The following EFCAB7 variants were observed in gnomAD, a reference collection of about 807,000 sequenced individuals.
The protein encoded by EFCAB7 is EF-hand calcium-binding domain-containing protein 7.
EFCAB7 carries 66 observed loss-of-function variants against 77.1 expected under a neutral mutation model. The ratio of observed to expected loss-of-function variants is 0.86; its 90% CI spans 0.70 to 1.05. EFCAB7 has a LOEUF of 1.05. Among genes scored for constraint, EFCAB7 ranks in the 50% least tolerant of loss-of-function variants. The pLI, the probability that EFCAB7 is intolerant of heterozygous loss-of-function variation, is 0.00. For synonymous variants in EFCAB7, 225 were observed against 243.3 expected, an observed-to-expected ratio of 0.92 and a Z score of 0.70; for missense variants, 638 against 730.5, an observed-to-expected ratio of 0.87 and a Z score of 1.46.
intron 6 of EFCAB7, among the ~76,000 whole-genome samples, chr1:63,544,749 A>C (rs1412482851): frequency 6.6e-6 from 1 of 151,768 alleles, no homozygotes; most frequent in African/African-American, 2.4e-5. Context: ...CTAGTTATCT[A>C]CACTTGAAGC....
chr1:63,546,200 T>A, intron 7 of EFCAB7, 143 bp downstream of exon 7: 1 of 866,032 alleles, frequency 1.2e-6, no homozygotes, highest in South Asian at 1.9e-5. Flanking sequence ...AAGAAAGTGT[T>A]GGCTTATACA....
downstream of EFCAB7, among the ~76,000 whole-genome samples, chr1:63,574,989 G>A (rs1247843196): frequency 6.6e-6 from 1 of 151,978 alleles, no homozygotes; most frequent in Non-Finnish European, 1.5e-5. Context: ...GAATATTTCT[G>A]AATTCTTTAG....
chr1:63,539,869 T>A (rs1237391260), intron 6 of EFCAB7, among the ~76,000 whole-genome samples: 1 of 152,190 alleles, frequency 6.6e-6, no homozygotes, highest in African/African-American at 2.4e-5. Flanking sequence ...TGTCTCAAAG[T>A]GTAACTTGTC....
intron 6 of EFCAB7, among the ~76,000 whole-genome samples, chr1:63,543,943 ATTCTT>A (rs1242435462): frequency 6.7e-6 from 1 of 149,016 alleles, no homozygotes; most frequent in Non-Finnish European, 1.5e-5. Flanking sequence ...TTCAAGTTTT[ATTCTT>A]TTCTTTTCTT....
the EFCAB7 span, among the ~76,000 whole-genome samples, chr1:63,581,546 C>G: frequency 6.6e-6 from 1 of 152,012 alleles, no homozygotes; most frequent in African/African-American, 2.4e-5. Context: ...TTGAACCAGC[C>G]TTTCATTTCT....
At chr1:63,560,173 C>T (rs907884199) in intron 10 of EFCAB7, among the ~76,000 whole-genome samples, 2 of 151,942 alleles carry the variant, frequency 1.3e-5, no homozygotes, top group Non-Finnish European at 2.9e-5. Context: ...AGGATGGTCT[C>T]GATCTCCTGA....
downstream of EFCAB7, among the ~76,000 whole-genome samples, chr1:63,574,167 G>C (rs370702350): frequency 6.6e-6 from 1 of 151,942 alleles, no homozygotes; most frequent in East Asian, 1.9e-4. Context: ...CCCCGAGCTT[G>C]ATGTGTAGGG....
At chr1:63,556,871 T>C (rs143182123) in intron 9 of EFCAB7, among the ~76,000 whole-genome samples, 3,199 of 106,356 alleles carry the variant, frequency 0.03, 122 homozygotes, top group African/African-American at 0.091. Flanking sequence ...CTACTAAAAA[T>C]ACAAAAAAAA....
chr1:63,549,686 A>T, intron 7 of EFCAB7: 1 of 278,944 alleles, frequency 3.6e-6, no homozygotes. Flanking sequence ...TCTACTAAAA[A>T]ATTTTATTTT....
chr1:63,564,610 A>G (rs1234744093), intron 11 of EFCAB7, among the ~76,000 whole-genome samples: 1 of 152,214 alleles, frequency 6.6e-6, no homozygotes, highest in Non-Finnish European at 1.5e-5. Flanking sequence ...AGGAAGAATC[A>G]ATATCGTTAA....
Position 63,542,357 on chromosome 1 carries a change from A to G in EFCAB7, c.805-3559A>G, listed in dbSNP as rs544532103. 2.6e-5 allele frequency among the ~76,000 whole-genome samples: 4 copies of G among 152,304 alleles called. No individual in the cohort carries two copies. In the East Asian group the frequency reaches 5.8e-4, roughly 22 times the overall value. ...GTTTTGTTTATCTATTTTTCTGTCA[A>G]TTGACATTAGGGTTGTTTCTACCTT... On this transcript the variant is annotated intron_variant, in intron 6 of 13. Transcript: ENST00000371088.
downstream of EFCAB7, among the ~76,000 whole-genome samples, chr1:63,573,660 C>T (rs4915904): frequency 0.25 from 38,717 of 151,970 alleles, 6,588 homozygotes; most frequent in African/African-American, 0.49. Context: ...AGACAGAAGA[C>T]AGTAGGGATG....
chr1:63,533,111 ACT>A (rs1421477561), intron 4 of EFCAB7, among the ~76,000 whole-genome samples: 1 of 152,042 alleles, frequency 6.6e-6, no homozygotes, highest in African/African-American at 2.4e-5. Context: ...AAACATAGAG[ACT>A]CTACTCAGAA....
At chr1:63,562,431 T>C in intron 11 of EFCAB7, among the ~76,000 whole-genome samples, 1 of 118,996 alleles carries the variant, frequency 8.4e-6, no homozygotes, top group African/African-American at 3.3e-5. Flanking sequence ...ATTTAAAAAT[T>C]AGGCCTTCTT....
chr1:63,534,482 A>G (rs1447712576), intron 6 of EFCAB7: 1 of 242,302 alleles, frequency 4.1e-6, no homozygotes, highest in South Asian at 1.4e-4. Context: ...TGGGAAGCAA[A>G]TTTTTTGTTT....
intron 12 of EFCAB7, 121 bp from the exon 13 acceptor site, chr1:63,570,900 G>T (rs981259919): frequency 1.2e-5 from 6 of 497,456 alleles, no homozygotes; most frequent in African/African-American, 8.0e-5. Flanking sequence ...TAGCCAATTT[G>T]TATGAATTTG....
rs115221703 is a variant in EFCAB7 at position 63,559,348 on chromosome 1, C to T, written c.1348+2101C>T. On this transcript the variant is annotated intron_variant, in intron 10 of 13. Coordinates refer to ENST00000371088, the MANE Select transcript of EFCAB7 (RefSeq NM_032437.4). ...AAATAGAAATCTTCCATATATTCCT[C>T]CTCACCCACAAGTTTTCCCTATTAT... 1.8e-3 allele frequency among the ~76,000 whole-genome samples: 271 copies of T among 151,536 alleles called. 1 individual carries two copies. The highest frequency in any genetic ancestry group is 6.4e-3 in the African/African-American group (265 of 41,326).
At chr1:63,537,291 A>G (rs1442805628) in intron 6 of EFCAB7, among the ~76,000 whole-genome samples, 2 of 152,188 alleles carry the variant, frequency 1.3e-5, no homozygotes, top group African/African-American at 4.8e-5. Flanking sequence ...GCCCCAAACT[A>G]TCAGTTGTAA....
intron 2 of EFCAB7, among the ~76,000 whole-genome samples, chr1:63,526,754 G>T (rs1646596755): frequency 6.6e-6 from 1 of 151,980 alleles, no homozygotes; most frequent in South Asian, 2.1e-4. Context: ...AAATGTTTAG[G>T]CAGACATCCA....
Sources: gnomAD v4.1 joint callset for allele counts (sites outside exome capture counted in the v4.1 genomes callset) on GRCh38, gnomAD v4.1.1 for gene constraint, MANE v1.5 for transcripts, NCBI Gene and HGNC (gene_info 2026-07-23, HGNC 2026-07-21) for gene names.